Variants in LHFPL3 observed in about 807,000 individuals in gnomAD.
LHFPL3 encodes the protein LHFPL tetraspan subfamily member 3 protein.
In LHFPL3, 5 loss-of-function variants were observed where a neutral mutation model predicts 19.3. The observed-to-expected ratio is 0.26, with a 90% CI of 0.14 to 0.54. The LOEUF (loss-of-function observed/expected upper bound fraction) is 0.54. LHFPL3 is among the 20% of genes least tolerant of loss of function. LHFPL3 has a pLI of 0.94. For missense variants in LHFPL3, 249 were observed against 307.4 expected, an observed-to-expected ratio of 0.81 and a Z score of 1.42; for synonymous variants, 133 against 126.2, an observed-to-expected ratio of 1.05 and a Z score of -0.36.
At chr7:104,645,654 C>CTTATTT (rs1791918721) in intron 1 of LHFPL3, among the ~76,000 whole-genome samples, 1 of 81,618 alleles carries the variant, frequency 1.2e-5, no homozygotes, top group African/African-American at 5.1e-5. Flanking sequence ...ATTGGGTTTT[C>CTTATTT]TTTTTTTTTT....
intron 2 of LHFPL3, chr7:104,752,919 C>T: frequency 3.0e-6 from 1 of 334,952 alleles, no homozygotes; most frequent in Non-Finnish European, 5.4e-6. Flanking sequence ...CAATATCTTA[C>T]ATCAGTGTGG....
intron 1 of LHFPL3, among the ~76,000 whole-genome samples, chr7:104,333,243 A>G (rs1438011134): frequency 6.6e-6 from 1 of 152,174 alleles, no homozygotes; most frequent in East Asian, 1.9e-4. Flanking sequence ...TGTTCACCAT[A>G]TTAGGCCAAA....
chr7:104,458,652 GA>G (rs1291482544), intron 1 of LHFPL3, among the ~76,000 whole-genome samples: 3 of 151,338 alleles, frequency 2.0e-5, no homozygotes, highest in African/African-American at 7.3e-5. Flanking sequence ...ATTCTTTGAA[GA>G]AAGTCATTGG....
intron 2 of LHFPL3, among the ~76,000 whole-genome samples, chr7:104,779,613 T>C (rs4460308): frequency 0.32 from 48,822 of 152,010 alleles, 8,127 homozygotes; most frequent in Middle Eastern, 0.35. Context: ...AGTCAACAGA[T>C]TCTGGATGAG....
intron 1 of LHFPL3, among the ~76,000 whole-genome samples, chr7:104,534,774 A>T (rs1431997368): frequency 3.3e-5 from 5 of 152,208 alleles, no homozygotes; most frequent in African/African-American, 1.2e-4. Flanking sequence ...ACCAAACAGT[A>T]TGCATTTTAG....
intron 1 of LHFPL3, among the ~76,000 whole-genome samples, chr7:104,651,150 T>C (rs1037961165): frequency 4.6e-5 from 7 of 152,136 alleles, no homozygotes; most frequent in African/African-American, 1.7e-4. Flanking sequence ...ATCAGATCTT[T>C]GAGTAAGTAG....
chr7:104,377,345 C>T (rs900532897), intron 1 of LHFPL3, among the ~76,000 whole-genome samples: 1 of 152,102 alleles, frequency 6.6e-6, no homozygotes. Context: ...TTTTATTTTC[C>T]CTGCTTATTT....
chr7:104,382,773 C>T (rs1233491498), intron 1 of LHFPL3, among the ~76,000 whole-genome samples: 1 of 152,166 alleles, frequency 6.6e-6, no homozygotes, highest in Non-Finnish European at 1.5e-5. Flanking sequence ...AGATGGTGTG[C>T]AAAGTACATG....
chr7:104,606,045 G>A (rs1404142456), intron 1 of LHFPL3, among the ~76,000 whole-genome samples: 1 of 151,868 alleles, frequency 6.6e-6, no homozygotes, highest in Non-Finnish European at 1.5e-5. Flanking sequence ...TTTATTTTTG[G>A]AAACAGGGTC....
chr7:104,744,454 A>T (rs1794002782), intron 2 of LHFPL3, among the ~76,000 whole-genome samples: 1 of 152,192 alleles, frequency 6.6e-6, no homozygotes, highest in Non-Finnish European at 1.5e-5. Flanking sequence ...GTGGTCATCA[A>T]AGCATCTCAG....
chr7:104,428,065 G>A (rs186332082), intron 1 of LHFPL3, among the ~76,000 whole-genome samples: 1 of 152,284 alleles, frequency 6.6e-6, no homozygotes, highest in East Asian at 1.9e-4. Flanking sequence ...GGGGGTAATG[G>A]TAACATTTCA....
At chr7:104,759,630 C>G (rs756834097) in intron 2 of LHFPL3, 3 of 152,064 alleles carry the variant, frequency 2.0e-5, no homozygotes, top group African/African-American at 4.8e-5. Flanking sequence ...TACAAGACAC[C>G]AACTTTCACC....
chr7:104,442,194 C>G (rs552766978), intron 1 of LHFPL3, among the ~76,000 whole-genome samples: 3 of 151,484 alleles, frequency 2.0e-5, no homozygotes, highest in Non-Finnish European at 4.4e-5. Context: ...ATTCATATCT[C>G]TTCTTTGGAG....
chr7:104,338,101 T>C (rs1348365057), intron 1 of LHFPL3, among the ~76,000 whole-genome samples: 2 of 134,626 alleles, frequency 1.5e-5, no homozygotes, highest in Admixed American at 7.4e-5. Context: ...TTCTTTTTTT[T>C]TTTTTTTTTT....
chr7:104,868,403 G>A (rs1791770194), intron 2 of LHFPL3, among the ~76,000 whole-genome samples: 1 of 152,072 alleles, frequency 6.6e-6, no homozygotes, highest in Non-Finnish European at 1.5e-5. Context: ...AAATCAATGT[G>A]CAAAAATCAC....
chr7:104,578,525 T>C (rs1414604778), intron 1 of LHFPL3, among the ~76,000 whole-genome samples: 2 of 152,202 alleles, frequency 1.3e-5, no homozygotes, highest in Admixed American at 6.5e-5. Flanking sequence ...GAGTTTGATA[T>C]TATAATGTAT....
At chr7:104,477,955 C>T (rs963583946) in intron 1 of LHFPL3, among the ~76,000 whole-genome samples, 3 of 152,120 alleles carry the variant, frequency 2.0e-5, no homozygotes, top group Non-Finnish European at 2.9e-5. Context: ...GGGGTTAGTC[C>T]ATGTTGAAGC....
At position 104,837,010 on chromosome 7, in the gene LHFPL3, C is replaced by A. The variant is rs567954042; in HGVS notation, c.683-69177C>A. On this transcript the variant is annotated intron_variant, in intron 2 of 2. Transcript: ENST00000424859. ...AATATTTCATGGTGATGAAGATCTC[C>A]GTTCCATTAGGAAATATTCAGTGTG... 2.0e-5 allele frequency among the ~76,000 whole-genome samples: 3 copies of A among 152,250 alleles called. No individual in the cohort carries two copies. The East Asian group carries it at 5.8e-4, about 29-fold the overall frequency.
chr7:104,667,886 C>T (rs1792387094), intron 1 of LHFPL3: 1 of 1,612,328 alleles, frequency 6.2e-7, no homozygotes, highest in Non-Finnish European at 8.5e-7. Context: ...AAACGGATGA[C>T]CTGGAAGGAG....
Sources: allele counts gnomAD v4.1 joint callset (sites outside exome capture counted in the v4.1 genomes callset), GRCh38; gene constraint gnomAD v4.1.1; transcripts MANE v1.5; gene names NCBI Gene and HGNC (gene_info 2026-07-23, HGNC 2026-07-21).